Variants in FAM204A observed in about 807,000 individuals in gnomAD.
FAM204A encodes the protein family with sequence similarity 204 member A.
Under a neutral mutation model 35.4 loss-of-function variants are expected in FAM204A, and 16 were observed. The observed-to-expected ratio is 0.45, with a 90% confidence interval of 0.31 to 0.69. The LOEUF (loss-of-function observed/expected upper bound fraction) is 0.69. FAM204A is among the 30% of genes least tolerant of loss of function. The pLI is 0.07. For missense variants in FAM204A, 240 were observed against 265.7 expected (o/e 0.90, Z 0.67); for synonymous variants, 76 against 86.9 (o/e 0.88, Z 0.70).
At chr10:118,320,273 A>G (rs1429523930) in intron 7 of FAM204A, among the ~76,000 whole-genome samples, 1 of 145,958 alleles carries the variant, frequency 6.9e-6, no homozygotes, top group African/African-American at 2.5e-5. Context: ...TAAATAAAAT[A>G]AAAACTTTAT....
At position 118,302,436 on chromosome 10, in the gene FAM204A, A is replaced by G. The variant is rs954057837; in HGVS notation, c.*8421T>C. On this transcript the variant is annotated 3_prime_UTR_variant, in exon 9 of 9. Coordinates refer to ENST00000369183, the MANE Select transcript of FAM204A (RefSeq NM_022063.3). Reference sequence around the variant, plus strand: ...AGCTTGCTCCTGATGGAGCTGCATGAGTTACAAGGTTTTTAACTGCAAGAA... The same window carrying G: ...AGCTTGCTCCTGATGGAGCTGCATGGGTTACAAGGTTTTTAACTGCAAGAA... 2 of 152,234 alleles carry G rather than the reference A, an allele frequency of 1.3e-5. No individual in the cohort carries two copies. The allele number at this position is 152,234 out of a possible 1,614,324, so 9.4% of individuals were successfully genotyped here. A position where few individuals can be genotyped will look rare whatever the true frequency, so the allele number is the denominator to read the frequency against.
At position 118,335,378 on chromosome 10, in the gene FAM204A, A is replaced by G; in HGVS notation, c.353+18T>C. 1 of 1,582,980 alleles carries G rather than the reference A, an allele frequency of 6.3e-7. No homozygotes were observed. The highest frequency in any genetic ancestry group is 8.6e-7 in the Non-Finnish European group (1 of 1,164,722). ...CTACAATGGCCTAAAATAGATAACT[A>G]TTTTAAATTCTACCTACCTATGTAA... On this transcript the variant is annotated intron_variant, in intron 5 of 8. Coordinates refer to ENST00000369183, the MANE Select transcript of FAM204A (RefSeq NM_022063.3).
At chr10:118,337,928 A>G (rs1192875247) in intron 2 of FAM204A, among the ~76,000 whole-genome samples, 1 of 152,186 alleles carries the variant, frequency 6.6e-6, no homozygotes, top group Non-Finnish European at 1.5e-5. Flanking sequence ...GAAGTTTCTA[A>G]TAATTGTGGT....
intron 7 of FAM204A, among the ~76,000 whole-genome samples, chr10:118,320,540 T>C (rs1212197763): frequency 6.6e-6 from 1 of 151,888 alleles, no homozygotes; most frequent in Non-Finnish European, 1.5e-5. Context: ...AATACTTGAA[T>C]GTGTATTTTA....
At position 118,306,939 on chromosome 10, in the gene FAM204A, T is replaced by G. The variant is rs1430201905; in HGVS notation, c.*3918A>C. On this transcript the variant is annotated 3_prime_UTR_variant, in exon 9 of 9. Transcript: ENST00000369183. ...GGAGGGAGGATGAAATAATAAAGAT[T>G]AAAGAATGCAGTTCTGCACATTTTA... 1 of 152,098 alleles carries G rather than the reference T, an allele frequency of 6.6e-6. No homozygotes were observed. The highest frequency in any genetic ancestry group is 1.5e-5 in the Non-Finnish European group (1 of 68,010). The allele number at this position is 152,098 out of a possible 1,614,324, so 9.4% of individuals were successfully genotyped here.
Position 118,335,396 on chromosome 10 carries a change from CTATG to C in FAM204A, c.349_352del (p.His117ValfsTer41). ...GATAACTATTTTAAATTCTACCTAC[CTATG>C]TAATTCTTTTTCATTCTTCAATTTA... On this transcript the variant is annotated frameshift_variant and splice_region_variant, in exon 5 of 9. Coordinates refer to ENST00000369183, the MANE Select transcript of FAM204A (RefSeq NM_022063.3). LOFTEE classifies it high-confidence loss of function. 6.3e-7 allele frequency: 1 copy of C among 1,591,190 alleles called. No homozygotes were observed. The highest frequency in any genetic ancestry group is 8.6e-7 in the Non-Finnish European group (1 of 1,168,136).
At chr10:118,331,582 T>C (rs1237663002) in intron 6 of FAM204A, among the ~76,000 whole-genome samples, 1 of 152,176 alleles carries the variant, frequency 6.6e-6, no homozygotes, top group Non-Finnish European at 1.5e-5. Flanking sequence ...GAATATCTTT[T>C]ATATGTGGTT....
At chr10:118,311,928 C>T (rs968030183) in intron 7 of FAM204A, among the ~76,000 whole-genome samples, 2 of 152,098 alleles carry the variant, frequency 1.3e-5, no homozygotes, top group Non-Finnish European at 2.9e-5. Flanking sequence ...TGTGCAGGGC[C>T]CTCTATGTGT....
Position 118,304,384 on chromosome 10 carries a change from C to T in FAM204A, c.*6473G>A, listed in dbSNP as rs1845840036. 1 of 152,190 alleles carries T rather than the reference C, an allele frequency of 6.6e-6. No homozygotes were observed. The highest frequency in any genetic ancestry group is 1.5e-5 in the Non-Finnish European group (1 of 68,042). 9.4% of individuals were successfully genotyped at this position (152,190 alleles called of 1,614,324 possible). Reference sequence around the variant, plus strand: ...TATAACATTACTCTTTAAAAGCCTGCTCTCTGACTACCTTCTTCATCCCAC... The same window carrying T: ...TATAACATTACTCTTTAAAAGCCTGTTCTCTGACTACCTTCTTCATCCCAC... On this transcript the variant is annotated 3_prime_UTR_variant, in exon 9 of 9. Coordinates refer to ENST00000369183, the MANE Select transcript of FAM204A (RefSeq NM_022063.3).
chr10:118,318,745 T>C (rs1335309932), intron 7 of FAM204A, among the ~76,000 whole-genome samples: 8 of 152,146 alleles, frequency 5.3e-5, no homozygotes, highest in Non-Finnish European at 8.8e-5. Context: ...CACTATAATA[T>C]TGTCTTTCAA....
At chr10:118,335,531 C>A (rs932542404) in intron 4 of FAM204A, 23 bp downstream of exon 4, 3 of 1,606,798 alleles carry the variant, frequency 1.9e-6, no homozygotes, top group Non-Finnish European at 2.5e-6. Flanking sequence ...GCACGACGAA[C>A]AACCTGAGTT....
chr10:118,312,893 CTG>C (rs1160774080), intron 7 of FAM204A, among the ~76,000 whole-genome samples: 1 of 152,160 alleles, frequency 6.6e-6, no homozygotes, highest in Non-Finnish European at 1.5e-5. Flanking sequence ...TGTTTTCAAA[CTG>C]TGGGGCTGGG....
At chr10:118,335,920 T>C (rs143344407) in intron 3 of FAM204A, 110 of 538,882 alleles carry the variant, frequency 2.0e-4, no homozygotes, top group African/African-American at 1.7e-3. Flanking sequence ...AAACTACTCA[T>C]GTACCACGCT....
Position 118,300,531 on chromosome 10 carries a change from C to T in FAM204A, c.*10326G>A, listed in dbSNP as rs1174293351. 1 of 152,176 alleles carries T rather than the reference C, an allele frequency of 6.6e-6. No individual in the cohort carries two copies. Among genetic ancestry groups the T allele is most frequent in the South Asian group, 2.1e-4 (1 of 4,826 alleles). 9.4% of individuals were successfully genotyped at this position (152,176 alleles called of 1,614,324 possible). ...GGCACTGATTAACATTGGCTGAACACATATTATATGCTAGGACTATTATGC... is the reference window on the plus strand; with the variant it reads ...GGCACTGATTAACATTGGCTGAACATATATTATATGCTAGGACTATTATGC... On this transcript the variant is annotated 3_prime_UTR_variant, in exon 9 of 9. Transcript: ENST00000369183.
At chr10:118,329,812 G>A (rs1180763687) in intron 6 of FAM204A, among the ~76,000 whole-genome samples, 3 of 152,074 alleles carry the variant, frequency 2.0e-5, no homozygotes, top group Non-Finnish European at 2.9e-5. Context: ...TCACACTGCC[G>A]TCATCCATGT....
rs1456357687 is a variant in FAM204A, at chr10:118,307,619, A to G, written c.*3238T>C. On this transcript the variant is annotated 3_prime_UTR_variant, in exon 9 of 9. Coordinates refer to ENST00000369183, the MANE Select transcript of FAM204A (RefSeq NM_022063.3). Reference sequence around the variant, plus strand: ...AACAACCTCATACAATATGTTTTATATTTAGCAAGACACACATTTCTTAAA... The same window carrying G: ...AACAACCTCATACAATATGTTTTATGTTTAGCAAGACACACATTTCTTAAA... 1 of 152,230 alleles carries G rather than the reference A, an allele frequency of 6.6e-6. No individual in the cohort carries two copies. Among genetic ancestry groups the G allele is most frequent in the African/African-American group, 2.4e-5 (1 of 41,460 alleles). 9.4% of individuals were successfully genotyped at this position (152,230 alleles called of 1,614,324 possible).
chr10:118,298,885 T>A lies in FAM204A; in HGVS notation c.*11972A>T, dbSNP rs1359196862. The A allele has an allele frequency of 3.3e-5, 5 of 152,152 alleles. No individual in the cohort carries two copies. Among genetic ancestry groups the A allele is most frequent in the Non-Finnish European group, 7.3e-5 (5 of 68,028 alleles). 9.4% of individuals were successfully genotyped at this position (152,152 alleles called of 1,614,324 possible). ...CGTTAATTCTCTGTTGCATTACCTA[T>A]CCTGTTTAAAAAAATAAAACAATCT... On this transcript the variant is annotated 3_prime_UTR_variant, in exon 9 of 9. Transcript: ENST00000369183.
In FAM204A at chr10:118,311,305, T is replaced by C. The variant is rs751682397; in HGVS notation, c.552A>G (p.Val184=). The C allele has an allele frequency of 6.3e-7, 1 of 1,595,418 alleles. No individual in the cohort carries two copies. The highest frequency in any genetic ancestry group is 8.5e-7 in the Non-Finnish European group (1 of 1,175,446). The change falls in exon 8 of 9, where the codon GTA becomes GTG. Residue 184 remains valine, a synonymous_variant. Coordinates refer to ENST00000369183, the MANE Select transcript of FAM204A (RefSeq NM_022063.3). Reference sequence around the variant, plus strand: ...GGCAGGCAACTGCTTTGGCAATTTTTACACCAAGCTAAGAATTACAAAGGA... The same window carrying C: ...GGCAGGCAACTGCTTTGGCAATTTTCACACCAAGCTAAGAATTACAAAGGA... ...SNQLATRELG[V]KIAKAVACHN...
At chr10:118,321,407 T>G (rs1038599681) in intron 7 of FAM204A, among the ~76,000 whole-genome samples, 2 of 152,098 alleles carry the variant, frequency 1.3e-5, no homozygotes, top group African/African-American at 4.8e-5. Flanking sequence ...GGCCTGTGTC[T>G]GAACGGCAAA....
Sources: allele counts gnomAD v4.1 joint callset (sites outside exome capture counted in the v4.1 genomes callset), GRCh38; gene constraint gnomAD v4.1.1; transcripts MANE v1.5; gene names NCBI Gene and HGNC (gene_info 2026-07-23, HGNC 2026-07-21).